The following RTL4 variants were observed in gnomAD, a reference collection of about 807,000 sequenced individuals.
RTL4 encodes the protein retrotransposon Gag like 4.
In RTL4, 4 loss-of-function variants were observed where a neutral mutation model predicts 5.3. That is an observed-to-expected ratio of 0.75 (90% confidence interval 0.37 to 1.72). RTL4 has a LOEUF of 1.72. Ranked by LOEUF, RTL4 falls within the 40% of genes most tolerant of loss-of-function variation. The pLI is 0.04. For missense variants in RTL4, 260 were observed against 227.1 expected, an observed-to-expected ratio of 1.14 and a Z score of -0.93; for synonymous variants, 98 against 87.3, an observed-to-expected ratio of 1.12 and a Z score of -0.68.
the RTL4 span, among the ~76,000 whole-genome samples, chrX:112,352,350 C>G: frequency 3.6e-5 from 4 of 110,174 alleles, no homozygotes; most frequent in African/African-American, 1.3e-4. Context: ...CATATGGAAC[C>G]AAAAAAGAGC....
At chrX:112,372,487 T>C in the RTL4 span, among the ~76,000 whole-genome samples, 3 of 111,163 alleles carry the variant, frequency 2.7e-5, no homozygotes, top group South Asian at 3.8e-4. Flanking sequence ...ATTTTTCTTC[T>C]ATTCCTGTCC....
chrX:112,113,344 C>A, the RTL4 span, among the ~76,000 whole-genome samples: 4 of 111,089 alleles, frequency 3.6e-5, no homozygotes, highest in Non-Finnish European at 5.7e-5. Flanking sequence ...ATGTCCCTCC[C>A]TAATAAGGGT....
At chrX:112,412,045 T>C in the RTL4 span, among the ~76,000 whole-genome samples, 6 of 109,975 alleles carry the variant, frequency 5.5e-5, no homozygotes, top group Middle Eastern at 4.7e-3. Context: ...TCAGTAACAT[T>C]TCTATATGCC....
chrX:112,422,918 C>T, the RTL4 span, among the ~76,000 whole-genome samples: 2 of 111,327 alleles, frequency 1.8e-5, no homozygotes, highest in African/African-American at 6.5e-5. Flanking sequence ...CCTACCTCAA[C>T]TACCAAGTGG....
At chrX:112,178,357 T>C in the RTL4 span, among the ~76,000 whole-genome samples, 2 of 105,212 alleles carry the variant, frequency 1.9e-5, no homozygotes, top group Non-Finnish European at 3.9e-5. Context: ...TTAGATGCAA[T>C]GTGGAATCCT....
At chrX:112,090,272 C>T in the RTL4 span, among the ~76,000 whole-genome samples, 1 of 110,577 alleles carries the variant, frequency 9.0e-6, no homozygotes, top group African/African-American at 3.3e-5. Context: ...ATAGAACTTC[C>T]AGTACCATGT....
chrX:112,241,520 T>C, the RTL4 span, among the ~76,000 whole-genome samples: 1 of 112,394 alleles, frequency 8.9e-6, no homozygotes, highest in Non-Finnish European at 1.9e-5. Flanking sequence ...TCATATACTT[T>C]GCCCACTTTT....
the RTL4 span, among the ~76,000 whole-genome samples, chrX:112,448,895 C>T: frequency 8.9e-6 from 1 of 111,941 alleles, no homozygotes; most frequent in Non-Finnish European, 1.9e-5. Context: ...ATTTAAATCT[C>T]TGTACACACA....
chrX:112,320,931 G>T, the RTL4 span, among the ~76,000 whole-genome samples: 1 of 111,505 alleles, frequency 9.0e-6, no homozygotes, highest in African/African-American at 3.3e-5. Flanking sequence ...AGGGGAGTAG[G>T]GGCATATGTG....
chrX:112,195,530 TC>T, the RTL4 span, among the ~76,000 whole-genome samples: 1 of 111,602 alleles, frequency 9.0e-6, no homozygotes, highest in Non-Finnish European at 1.9e-5. Flanking sequence ...CCTGAAGTTA[TC>T]CTCTTTGGGG....
the RTL4 span, among the ~76,000 whole-genome samples, chrX:112,377,239 C>G: frequency 1.8e-5 from 2 of 111,748 alleles, no homozygotes; most frequent in Non-Finnish European, 3.8e-5. Context: ...TGCCCCTCAG[C>G]TTATGATATG....
At chrX:112,217,657 G>C in the RTL4 span, among the ~76,000 whole-genome samples, 3 of 111,775 alleles carry the variant, frequency 2.7e-5, no homozygotes, top group East Asian at 8.4e-4. Flanking sequence ...TGTTGGGTAA[G>C]GAGAAAAGAA....
the RTL4 span, chrX:112,381,502 A>G: frequency 8.4e-7 from 1 of 1,196,743 alleles, no homozygotes; most frequent in Non-Finnish European, 1.1e-6. Flanking sequence ...CTGAAAACAG[A>G]TTCTTTCTGG....
At chrX:112,379,806 G>A in the RTL4 span, among the ~76,000 whole-genome samples, 1 of 111,531 alleles carries the variant, frequency 9.0e-6, no homozygotes, top group African/African-American at 3.3e-5. Context: ...TACATTAGCT[G>A]ATTTTAGTTG....
At chrX:112,243,176 G>A in the RTL4 span, among the ~76,000 whole-genome samples, 2 of 111,351 alleles carry the variant, frequency 1.8e-5, no homozygotes, top group Non-Finnish European at 3.8e-5. Flanking sequence ...TTGTGTCTCT[G>A]CCAGGCTTTG....
the RTL4 span, among the ~76,000 whole-genome samples, chrX:112,308,518 G>T: frequency 9.1e-4 from 102 of 111,572 alleles, no homozygotes; most frequent in African/African-American, 3.1e-3. Flanking sequence ...TGGATAAAAG[G>T]ATGGTAGTCA....
chrX:112,293,433 A>G, the RTL4 span, among the ~76,000 whole-genome samples: 1 of 112,252 alleles, frequency 8.9e-6, no homozygotes, highest in Non-Finnish European at 1.9e-5. Context: ...TGAATCATAT[A>G]CTTCCAGTGA....
the RTL4 span, among the ~76,000 whole-genome samples, chrX:112,332,515 G>A: frequency 1.9e-3 from 205 of 109,672 alleles, 1 homozygote; most frequent in African/African-American, 6.7e-3. Context: ...AAAATGATGA[G>A]TTCATGTCCT....
the RTL4 span, among the ~76,000 whole-genome samples, chrX:112,259,105 C>A: frequency 1.8e-5 from 2 of 111,242 alleles, no homozygotes; most frequent in African/African-American, 6.5e-5. Context: ...TCTGGCTAAT[C>A]TTGTATGTTT....
Sources: gnomAD v4.1 joint callset for allele counts (sites outside exome capture counted in the v4.1 genomes callset) on GRCh38, gnomAD v4.1.1 for gene constraint, MANE v1.5 for transcripts, NCBI Gene and HGNC (gene_info 2026-07-23, HGNC 2026-07-21) for gene names.